Variants in HERC1 observed in about 807,000 individuals in gnomAD.
The protein encoded by HERC1 is probable E3 ubiquitin-protein ligase HERC1.
HERC1 carries 160 observed loss-of-function variants against 554.3 expected under a neutral mutation model. The ratio of observed to expected loss-of-function variants is 0.29; its 90% CI spans 0.25 to 0.33. HERC1 has a LOEUF of 0.33. HERC1 is among the 10% of genes least tolerant of loss of function. The pLI is 1.00. For missense variants in HERC1, 4,919 were observed against 5,918.5 expected (o/e 0.83, Z 5.54); for synonymous variants, 2,175 against 2,131.7 (o/e 1.02, Z -0.56).
chr15:63,763,429 A>G (rs2075674053), intron 3 of HERC1, among the ~76,000 whole-genome samples: 1 of 152,240 alleles, frequency 6.6e-6, no homozygotes, highest in South Asian at 2.1e-4. Flanking sequence ...ATAAAGAAAC[A>G]TAAGGAACTG....
At chr15:63,643,360 T>C (rs1429428952) in intron 58 of HERC1, 44 bp downstream of exon 58, 1 of 1,529,686 alleles carries the variant, frequency 6.5e-7, no homozygotes, top group Admixed American at 1.9e-5. Flanking sequence ...TTTAAGTTAG[T>C]GTCAAAATAT....
chr15:63,679,247 T>C (rs1317449289), intron 36 of HERC1, among the ~76,000 whole-genome samples: 1 of 152,356 alleles, frequency 6.6e-6, no homozygotes, highest in Non-Finnish European at 1.5e-5. Flanking sequence ...CTGGGCTGCA[T>C]CTTTACTTCA....
At chr15:63,768,224 T>G (rs2075843976) in intron 2 of HERC1, among the ~76,000 whole-genome samples, 1 of 152,194 alleles carries the variant, frequency 6.6e-6, no homozygotes, top group Non-Finnish European at 1.5e-5. Flanking sequence ...TCTTTTTAAT[T>G]ATTTAGGATG....
At chr15:63,679,438 C>G (rs1424853926) in intron 36 of HERC1, among the ~76,000 whole-genome samples, 1 of 151,992 alleles carries the variant, frequency 6.6e-6, no homozygotes, top group Admixed American at 6.6e-5. Flanking sequence ...ATGATAAAAC[C>G]TGAAAGCTTC....
In HERC1 at chr15:63,723,312, AT is replaced by A; in HGVS notation, c.3611del (p.Asn1204MetfsTer19). ...SCLLEVALSGNEEQKPFDYKL... is the reference protein window; with the variant it reads ...SCLLEVALSGXEEQKPFDYKL... The stretch of plus-strand genomic sequence containing the variant: ...TATAATCAAAAGGCTTCTGTTCTTC[AT>A]TTCCAGAAAGTGCTACTTCTAACAG... On this transcript the variant is annotated frameshift_variant, in exon 19 of 78. Coordinates refer to ENST00000443617, the MANE Select transcript of HERC1 (RefSeq NM_003922.4). LOFTEE classifies it high-confidence loss of function. 1 of 1,595,464 alleles carries A rather than the reference AT, an allele frequency of 6.3e-7. No individual in the cohort carries two copies.
At position 63,674,364 on chromosome 15, in the gene HERC1, C is replaced by A; in HGVS notation, c.7824G>T (p.Gln2608His). The A allele has an allele frequency of 6.2e-7, 1 of 1,602,234 alleles. No individual in the cohort carries two copies. The highest frequency in any genetic ancestry group is 8.5e-7 in the Non-Finnish European group (1 of 1,172,966). The change falls in exon 38 of 78, where the codon CAG (glutamine) becomes CAT (histidine). Residue 2608 changes from glutamine to histidine, a missense_variant. Gln to His is a conservative substitution (Grantham distance 24). This residue lies in a region of HERC1 where 1,963 missense variants were observed against 2,228.6 expected (regional missense o/e 0.88). Transcript: ENST00000443617. ...TACCTTGCTTAATTTTGCCCCCAAA[C>A]TGGTCTTCCAAAAGCCCATGAACCA... Reference protein sequence around the residue: ...KLVVHGLLEDQFGGKIKQEID... With the variant: ...KLVVHGLLEDHFGGKIKQEID...
chr15:63,817,373 T>A (rs908335191), intron 1 of HERC1, among the ~76,000 whole-genome samples: 1 of 152,128 alleles, frequency 6.6e-6, no homozygotes, highest in Non-Finnish European at 1.5e-5. Context: ...AAAATCAATA[T>A]TGAAATATCT....
intron 46 of HERC1, 72 bp from the exon 47 acceptor site, chr15:63,660,008 C>A: frequency 1.6e-6 from 2 of 1,217,900 alleles, no homozygotes; most frequent in South Asian, 1.3e-5. Flanking sequence ...AATGGTTGTT[C>A]TGAAAATACA....
chr15:63,787,134 C>A (rs1012669671), intron 1 of HERC1, among the ~76,000 whole-genome samples: 2 of 148,060 alleles, frequency 1.4e-5, no homozygotes, highest in Non-Finnish European at 3.0e-5. Flanking sequence ...GAGCCACCAT[C>A]CCCAGTCTCA....
chr15:63,695,383 CTTT>C (rs35039072), intron 27 of HERC1, among the ~76,000 whole-genome samples: 81 of 103,292 alleles, frequency 7.8e-4, no homozygotes, highest in Non-Finnish European at 6.8e-4. Context: ...TCTGTATAAT[CTTT>C]TTTTTTTTTT....
At position 63,641,600 on chromosome 15, in the gene HERC1, T is replaced by C. The variant is rs751680392; in HGVS notation, c.11477A>G (p.Asn3826Ser). The C allele has an allele frequency of 2.0e-5, 31 of 1,587,238 alleles. No homozygotes were observed. The highest frequency in any genetic ancestry group is 9.4e-5 in the African/African-American group (7 of 74,508). ...TGTCCTACAGGTTGCCAAAACATGA[T>C]TGGCAGCTGCCCATTCTGCTGTACA... Reference protein sequence around the residue: ...VNCTAEWAAANHVLATCRTAL... With the variant: ...VNCTAEWAAASHVLATCRTAL... Residue 3826 changes from asparagine (N) to serine (S), a missense_variant, in exon 60 of 78, where the codon AAT (asparagine) becomes AGT (serine). Around this residue, in one of 11 missense-constraint regions of HERC1, gnomAD observed 1,963 missense variants for 2,228.6 expected, o/e 0.88. Transcript: ENST00000443617.
chr15:63,626,113 G>C lies in HERC1; in HGVS notation c.13147C>G (p.Pro4383Ala). ...TCTCTCAGCGCCCCATACTGGGGGGGCACTGTGTCAGGCAGGCCCAGCTGC... is the reference window on the plus strand; with the variant it reads ...TCTCTCAGCGCCCCATACTGGGGGGCCACTGTGTCAGGCAGGCCCAGCTGC... ...PLQLGLPDTV[P>A]PQYGALREVS... The change falls in exon 71 of 78, where the codon CCC becomes GCC. Residue 4383 changes from proline (P) to alanine (A), a missense_variant. Coordinates refer to ENST00000443617, the MANE Select transcript of HERC1 (RefSeq NM_003922.4). 6.2e-7 allele frequency: 1 copy of C among 1,613,702 alleles called. No individual in the cohort carries two copies. Among genetic ancestry groups the C allele is most frequent in the Non-Finnish European group, 8.5e-7 (1 of 1,179,788 alleles).
Position 63,675,130 on chromosome 15 carries a change from T to C in HERC1, c.7071-13A>G. On this transcript the variant is annotated splice_polypyrimidine_tract_variant and intron_variant, in intron 37 of 77. Coordinates refer to ENST00000443617, the MANE Select transcript of HERC1 (RefSeq NM_003922.4). ...AAAAGTTGGGAAGCTTTAATAAAGA[T>C]CAGAATGACACAGGAAGAAGCAAGT... The C allele has an allele frequency of 6.4e-7, 1 of 1,569,418 alleles. No individual in the cohort carries two copies. The highest frequency in any genetic ancestry group is 8.6e-7 in the Non-Finnish European group (1 of 1,157,774).
rs867142775 is a variant in HERC1 at position 63,733,201 on chromosome 15, C to A, written c.2647-56G>T. On this transcript the variant is annotated intron_variant, in intron 13 of 77. Coordinates refer to ENST00000443617, the MANE Select transcript of HERC1 (RefSeq NM_003922.4). ...TAGCGTAATATGCACTAGAAAAGAA[C>A]ACAAAAGGATCCCAGAAAAAAACTA... The A allele has an allele frequency of 4.7e-5, 55 of 1,159,610 alleles. 1 individual carries two copies. The Middle Eastern group carries it at 7.1e-3, about 149-fold the overall frequency. The allele number at this position is 1,159,610 out of a possible 1,614,324, so 71.8% of individuals were successfully genotyped here.
Position 63,662,873 on chromosome 15 carries a change from T to A in HERC1, c.8901+111A>T, listed in dbSNP as rs941026249. The A allele has an allele frequency of 2.0e-5, 15 of 749,662 alleles. 1 individual carries two copies. The highest frequency in any genetic ancestry group is 1.6e-4 in the South Asian group (9 of 56,336). The allele number at this position is 749,662 out of a possible 1,614,324, so 46.4% of individuals were successfully genotyped here. A position where few individuals can be genotyped will look rare whatever the true frequency, so the allele number is the denominator to read the frequency against. ...TAAATCCCCAAACCTCAGGATGAGA[T>A]AAAAGACTTTTTAGAGTGTTTCAAC... On this transcript the variant is annotated intron_variant, in intron 44 of 77. Coordinates refer to ENST00000443617, the MANE Select transcript of HERC1 (RefSeq NM_003922.4).
chr15:63,746,432 T>C (rs995940105), intron 12 of HERC1, among the ~76,000 whole-genome samples: 2 of 152,166 alleles, frequency 1.3e-5, no homozygotes, highest in Non-Finnish European at 2.9e-5. Flanking sequence ...ATACTAAATA[T>C]GTTTTTTTAA....
chr15:63,646,930 A>C (rs944131715), intron 55 of HERC1, among the ~76,000 whole-genome samples: 6 of 152,154 alleles, frequency 3.9e-5, no homozygotes, highest in African/African-American at 1.4e-4. Flanking sequence ...AAAAATGCTC[A>C]ACATCACTAA....
At chr15:63,620,444 G>T (rs1205227306) in intron 74 of HERC1, among the ~76,000 whole-genome samples, 1 of 152,166 alleles carries the variant, frequency 6.6e-6, no homozygotes, top group East Asian at 1.9e-4. Context: ...TAGGTGTGGT[G>T]TGGTGCTGAA....
intron 59 of HERC1, among the ~76,000 whole-genome samples, chr15:63,642,014 G>A (rs2069088145): frequency 6.6e-6 from 1 of 152,080 alleles, no homozygotes; most frequent in African/African-American, 2.4e-5. Context: ...CTTTAACTCT[G>A]GCTCTGTGGT....
Sources: gnomAD v4.1 joint callset for allele counts (sites outside exome capture counted in the v4.1 genomes callset) on GRCh38, gnomAD v4.1.1 for gene constraint, gnomAD v4.1.1 regional missense constraint, MANE v1.5 for transcripts, NCBI Gene and HGNC (gene_info 2026-07-23, HGNC 2026-07-21) for gene names.